MGAT4C: variants seen among roughly 807,000 people sequenced by gnomAD.
MGAT4C encodes the protein alpha-1,3-mannosyl-glycoprotein 4-beta-N-acetylglucosaminyltransferase C.
In MGAT4C, 19 loss-of-function variants were observed where a neutral mutation model predicts 40.1. The ratio of observed to expected loss-of-function variants is 0.47; its 90% CI spans 0.33 to 0.70. MGAT4C has a LOEUF of 0.70. Ranked by LOEUF, MGAT4C falls within the 30% of genes least tolerant of loss-of-function variation. The probability of loss-of-function intolerance (pLI) is 0.02; values close to 1 mark genes in which losing one functional copy is unlikely to be tolerated. For synonymous variants in MGAT4C, 181 were observed against 187.1 expected, an observed-to-expected ratio of 0.97 and a Z score of 0.27; for missense variants, 491 against 563.2, an observed-to-expected ratio of 0.87 and a Z score of 1.30.
At position 86,040,048 on chromosome 12, in the gene MGAT4C, G is replaced by A. The variant is rs115202836; in HGVS notation, c.-7+9626C>T. Reference sequence around the variant, plus strand: ...AGACCCTGTTTGCCTGGGTACCACCGGCAGATGCTGCAGAACAACCAAGAT... The same window carrying A: ...AGACCCTGTTTGCCTGGGTACCACCAGCAGATGCTGCAGAACAACCAAGAT... On this transcript the variant is annotated intron_variant, in intron 2 of 4. Coordinates refer to ENST00000611864, the MANE Select transcript of MGAT4C (RefSeq NM_001351288.2). 4.6e-3 allele frequency among the ~76,000 whole-genome samples: 703 copies of A among 152,248 alleles called. 7 individuals are homozygous for A. Among genetic ancestry groups the A allele is most frequent in the African/African-American group, 0.016 (670 of 41,544 alleles).
chr12:86,061,723 C>T lies in MGAT4C; in HGVS notation c.-56-12000G>A, dbSNP rs142826843. Among the ~76,000 whole-genome samples, 1,154 of 152,214 alleles carry T rather than the reference C, an allele frequency of 7.6e-3. 12 individuals are homozygous for T. Among genetic ancestry groups the T allele is most frequent in the African/African-American group, 0.026 (1,074 of 41,550 alleles). On this transcript the variant is annotated intron_variant, in intron 1 of 4. Transcript: ENST00000611864. ...CCGCCATTACTGAGGCTTGAGTAGG[C>T]AGTTTTACCCTCACAGTGTAAACAA...
intron 2 of MGAT4C, among the ~76,000 whole-genome samples, chr12:86,507,267 C>T (rs531468564): frequency 6.6e-6 from 1 of 152,160 alleles, no homozygotes; most frequent in African/African-American, 2.4e-5. Context: ...TATTATTCAT[C>T]TAATATCCAC....
chr12:86,681,064 T>A (rs1025481612), intron 2 of MGAT4C, among the ~76,000 whole-genome samples: 1 of 152,074 alleles, frequency 6.6e-6, no homozygotes, highest in Non-Finnish European at 1.5e-5. Context: ...TGAGAAAGGA[T>A]CTATTACTCG....
At chr12:86,117,838 T>C (rs1314047244) in intron 1 of MGAT4C, among the ~76,000 whole-genome samples, 3 of 152,166 alleles carry the variant, frequency 2.0e-5, no homozygotes, top group Admixed American at 6.6e-5. Context: ...ATCACCATAA[T>C]GAACTTCATG....
intron 1 of MGAT4C, among the ~76,000 whole-genome samples, chr12:86,810,723 T>C (rs1952455621): frequency 1.3e-5 from 2 of 152,066 alleles, no homozygotes; most frequent in South Asian, 4.2e-4. Flanking sequence ...TTGTAGTTGA[T>C]CTTCTAATAT....
rs74676701 is a variant in MGAT4C, at chr12:86,478,917, C to T, written c.-228-43652G>A. On this transcript the variant is annotated intron_variant, in intron 2 of 7. Transcript: ENST00000548651. ...TAATATCTATTTTTAAAATAAAGTCCTGAGTTATTCCAGAATAAATTATTT... is the reference window on the plus strand; with the variant it reads ...TAATATCTATTTTTAAAATAAAGTCTTGAGTTATTCCAGAATAAATTATTT... Among the ~76,000 whole-genome samples the T allele has an allele frequency of 1.2e-3, 181 of 152,012 alleles. 3 individuals are homozygous for T. The East Asian group carries it at 0.028, about 23-fold the overall frequency.
chr12:86,007,263 T>C (rs1287026897), intron 2 of MGAT4C, among the ~76,000 whole-genome samples: 1 of 152,168 alleles, frequency 6.6e-6, no homozygotes, highest in African/African-American at 2.4e-5. Context: ...AAGAATACTA[T>C]CCTGAAATGG....
At chr12:86,810,796 TTTTC>T (rs1952456967) in intron 1 of MGAT4C, among the ~76,000 whole-genome samples, 1 of 151,976 alleles carries the variant, frequency 6.6e-6, no homozygotes, top group Non-Finnish European at 1.5e-5. Context: ...ATGTCTATAG[TTTTC>T]TTTGATTTTG....
chr12:86,438,950 A>C (rs1404205200), intron 2 of MGAT4C, among the ~76,000 whole-genome samples: 1 of 151,898 alleles, frequency 6.6e-6, no homozygotes, highest in Admixed American at 6.6e-5. Context: ...AAATATATAT[A>C]TGCACTGTAG....
intron 2 of MGAT4C, among the ~76,000 whole-genome samples, chr12:85,990,159 A>G (rs1169354683): frequency 6.6e-6 from 1 of 152,120 alleles, no homozygotes; most frequent in African/African-American, 2.4e-5. Flanking sequence ...GGTGAATCCT[A>G]TAGTATTATA....
chr12:86,796,797 C>T lies in MGAT4C; in HGVS notation c.-262+41869G>A, dbSNP rs991903597. 7.3e-5 allele frequency among the ~76,000 whole-genome samples: 11 copies of T among 151,706 alleles called. 1 individual carries two copies. Among genetic ancestry groups the T allele is most frequent in the Admixed American group, 6.6e-4 (10 of 15,208 alleles). On this transcript the variant is annotated intron_variant, in intron 1 of 7. Coordinates refer to the MGAT4C transcript ENST00000548651. Reference sequence around the variant, plus strand: ...ATCATGGATGTAAGTGTTCTCACCACAAAAATGATAACTATTTGAGGAAAT... The same window carrying T: ...ATCATGGATGTAAGTGTTCTCACCATAAAAATGATAACTATTTGAGGAAAT...
At chr12:86,629,492 C>T (rs1962950361) in intron 2 of MGAT4C, among the ~76,000 whole-genome samples, 2 of 152,258 alleles carry the variant, frequency 1.3e-5, no homozygotes, top group South Asian at 2.1e-4. Context: ...AAATTGACCA[C>T]ATAGTTGGAA....
At chr12:86,696,414 C>A (rs1382572592) in intron 2 of MGAT4C, among the ~76,000 whole-genome samples, 2 of 152,098 alleles carry the variant, frequency 1.3e-5, no homozygotes, top group Non-Finnish European at 2.9e-5. Context: ...TAACCAATTT[C>A]TTTACAATAA....
chr12:86,164,836 T>G (rs1028863777), intron 1 of MGAT4C, among the ~76,000 whole-genome samples: 2 of 152,160 alleles, frequency 1.3e-5, no homozygotes, highest in African/African-American at 4.8e-5. Context: ...TTAGGCCATT[T>G]TAATGAGATT....
At chr12:86,160,418 T>C (rs1306101094) in intron 1 of MGAT4C, among the ~76,000 whole-genome samples, 2 of 152,060 alleles carry the variant, frequency 1.3e-5, no homozygotes, top group Non-Finnish European at 2.9e-5. Context: ...CTATTTTCAT[T>C]GCACCGTGGT....
intron 1 of MGAT4C, among the ~76,000 whole-genome samples, chr12:86,818,580 T>G (rs914468572): frequency 6.6e-6 from 1 of 151,256 alleles, no homozygotes; most frequent in Non-Finnish European, 1.5e-5. Flanking sequence ...AGAATTCTTG[T>G]CTATTCAAGT....
Position 86,774,355 on chromosome 12 carries a change from CCTCT to C in MGAT4C, c.-261-47118_-261-47115del, listed in dbSNP as rs954748418. Reference sequence around the variant, plus strand: ...TCTTTCTTTCTGTCTCTCTCTCTCCCCTCTCTCTCTCTCTCTTTCTGTCTGTCTC... The same window carrying C: ...TCTTTCTTTCTGTCTCTCTCTCTCCCCTCTCTCTCTCTTTCTGTCTGTCTC... On this transcript the variant is annotated intron_variant, in intron 1 of 7. Coordinates refer to the MGAT4C transcript ENST00000548651. Among the ~76,000 whole-genome samples the C allele has an allele frequency of 2.3e-3, 47 of 20,430 alleles. 4 individuals carry two copies. Among genetic ancestry groups the C allele is most frequent in the South Asian group, 8.7e-3 (3 of 344 alleles). 13.4% of individuals were successfully genotyped at this position (20,430 alleles called of 152,430 possible).
chr12:86,149,726 CATATT>C (rs763150089), intron 1 of MGAT4C, among the ~76,000 whole-genome samples: 11 of 152,148 alleles, frequency 7.2e-5, no homozygotes, highest in Non-Finnish European at 1.3e-4. Context: ...ACAGGGGTCT[CATATT>C]ATAGTCATCC....
At chr12:85,999,896 A>C (rs942354117) in intron 2 of MGAT4C, among the ~76,000 whole-genome samples, 2 of 152,148 alleles carry the variant, frequency 1.3e-5, no homozygotes, top group Non-Finnish European at 2.9e-5. Context: ...GGTTGGTGAG[A>C]GGTACAGTTA....
Sources: allele counts gnomAD v4.1 joint callset (sites outside exome capture counted in the v4.1 genomes callset), GRCh38; gene constraint gnomAD v4.1.1; transcripts MANE v1.5; gene names NCBI Gene and HGNC (gene_info 2026-07-23, HGNC 2026-07-21).